The following AKAP11 variants were observed in gnomAD, a reference collection of about 807,000 sequenced individuals.
AKAP11 encodes A-kinase anchor protein 11.
Under a neutral mutation model 146.1 loss-of-function variants are expected in AKAP11, and 36 were observed. The ratio of observed to expected loss-of-function variants is 0.25; its 90% CI spans 0.19 to 0.33. The LOEUF (loss-of-function observed/expected upper bound fraction) is 0.33, where lower values mean the gene tolerates loss of function less well. AKAP11 is among the 10% of genes least tolerant of loss of function. AKAP11 has a pLI of 1.00. For missense variants in AKAP11, 2,201 were observed against 2,197.0 expected (o/e 1.00, Z -0.04); for synonymous variants, 780 against 786.5 (o/e 0.99, Z 0.14).
At position 42,301,031 on chromosome 13, in the gene AKAP11, A is replaced by G. The variant is rs959347525; in HGVS notation, c.2285A>G (p.Lys762Arg). The G allele has an allele frequency of 1.2e-6, 2 of 1,614,040 alleles. No homozygotes were observed. Among genetic ancestry groups the G allele is most frequent in the Non-Finnish European group, 1.7e-6 (2 of 1,179,974 alleles). Reference protein sequence around the residue: ...MVTKPVQEYKKEYTVQQALFC... With the variant: ...MVTKPVQEYKREYTVQQALFC... ...ACAAAACCAGTGCAGGAATATAAAA[A>G]GGAATACACAGTGCAGCAGGCCTTG... The change falls in exon 8 of 13, where the codon AAG becomes AGG. Residue 762 changes from lysine to arginine, a missense_variant. Coordinates refer to ENST00000025301, the MANE Select transcript of AKAP11 (RefSeq NM_016248.4).
chr13:42,322,800 C>T lies in AKAP11; in HGVS notation c.*3572C>T, dbSNP rs1169222039. The T allele has an allele frequency of 6.6e-6, 1 of 152,476 alleles. No individual in the cohort carries two copies. 9.4% of individuals were successfully genotyped at this position (152,476 alleles called of 1,614,324 possible). ...TGGTTTTTTTTTAACCATCTGTGTA[C>T]ATTCCTTTCATAGGGTAGAGTTCTA... On this transcript the variant is annotated 3_prime_UTR_variant, in exon 13 of 13. Coordinates refer to ENST00000025301, the MANE Select transcript of AKAP11 (RefSeq NM_016248.4).
chr13:42,272,944 T>G (rs1313583818), intron 1 of AKAP11, among the ~76,000 whole-genome samples: 2 of 152,214 alleles, frequency 1.3e-5, no homozygotes, highest in African/African-American at 4.8e-5. Flanking sequence ...AAAGCTAACA[T>G]TTTTTCTCTT....
At chr13:42,310,286 A>G (rs1407972642) in intron 9 of AKAP11, among the ~76,000 whole-genome samples, 1 of 152,168 alleles carries the variant, frequency 6.6e-6, no homozygotes, top group Non-Finnish European at 1.5e-5. Flanking sequence ...AGGTTCTGGC[A>G]CAGAGAAAAA....
chr13:42,284,174 TA>T (rs1959120325), intron 1 of AKAP11, among the ~76,000 whole-genome samples: 1 of 152,240 alleles, frequency 6.6e-6, no homozygotes. Flanking sequence ...GATGTTTACA[TA>T]AACCTCTTAG....
rs762871012 is a variant in AKAP11, at chr13:42,300,066, A to G, written c.1320A>G (p.Ser440=). Reference sequence around the variant, plus strand: ...ATTCTCCTCGCCCAGTGAAGGCATCAAGGGAAGATAGTGGTTTATTTAGTC... The same window carrying G: ...ATTCTCCTCGCCCAGTGAAGGCATCGAGGGAAGATAGTGGTTTATTTAGTC... ...APDSPRPVKA[S]REDSGLFSPI... Residue 440 remains serine, a synonymous_variant, in exon 8 of 13, where the codon TCA becomes TCG. Transcript: ENST00000025301. 6.2e-7 allele frequency: 1 copy of G among 1,613,808 alleles called. No homozygotes were observed. Among genetic ancestry groups the G allele is most frequent in the African/African-American group, 1.3e-5 (1 of 74,930 alleles).
rs1263363808 is a variant in AKAP11, at chr13:42,317,711, G to A, written c.5565+23G>A. The A allele has an allele frequency of 3.7e-6, 6 of 1,606,580 alleles. No individual in the cohort carries two copies. The South Asian group carries it at 4.5e-5, about 12-fold the overall frequency. On this transcript the variant is annotated intron_variant, in intron 12 of 12. Transcript: ENST00000025301. ...CTAGTAAGTACCTACCTTACAGAGT[G>A]TGAGGATACATTTAACAGTATATGA...
intron 12 of AKAP11, among the ~76,000 whole-genome samples, chr13:42,318,383 CAATA>C (rs1328830836): frequency 1.3e-5 from 2 of 152,052 alleles, no homozygotes; most frequent in Non-Finnish European, 2.9e-5. Context: ...AGTTTTATCT[CAATA>C]AAGCTGTTTT....
rs1961128264 is a variant in AKAP11, at chr13:42,322,477, A to G, written c.*3249A>G. On this transcript the variant is annotated 3_prime_UTR_variant, in exon 13 of 13. Coordinates refer to ENST00000025301, the MANE Select transcript of AKAP11 (RefSeq NM_016248.4). Reference sequence around the variant, plus strand: ...CCACAATTAATATATTCAATTTCCCATCAGTATATCACTTTAAATTTTATG... The same window carrying G: ...CCACAATTAATATATTCAATTTCCCGTCAGTATATCACTTTAAATTTTATG... The G allele has an allele frequency of 6.6e-6, 1 of 152,282 alleles. No individual in the cohort carries two copies. Among genetic ancestry groups the G allele is most frequent in the African/African-American group, 2.4e-5 (1 of 41,458 alleles). 9.4% of individuals were successfully genotyped at this position (152,282 alleles called of 1,614,324 possible).
rs1353347222 is a variant in AKAP11, at chr13:42,303,722, T to C, written c.4976T>C (p.Ile1659Thr). 3.7e-6 allele frequency: 6 copies of C among 1,614,100 alleles called. No individual in the cohort carries two copies. The highest frequency in any genetic ancestry group is 4.5e-5 in the East Asian group (2 of 44,890). ...VLAEKIVAEAIEKAERELSST... is the reference protein window; with the variant it reads ...VLAEKIVAEATEKAERELSST... ...GCTGAGAAGATAGTTGCTGAAGCCA[T>C]TGAAAAAGCTGAGCGAGAGCTGAGC... The change falls in exon 8 of 13, where the codon ATT becomes ACT. Residue 1659 changes from isoleucine to threonine, a missense_variant. Ile to Thr is a moderately conservative substitution (Grantham distance 89). Around this residue, in one of 3 missense-constraint regions of AKAP11, gnomAD observed 1,867 missense variants for 1,833.5 expected, o/e 1.02. Coordinates refer to ENST00000025301, the MANE Select transcript of AKAP11 (RefSeq NM_016248.4).
At chr13:42,307,430 A>G (rs1274160544) in intron 8 of AKAP11, among the ~76,000 whole-genome samples, 1 of 152,038 alleles carries the variant, frequency 6.6e-6, no homozygotes, top group East Asian at 1.9e-4. Flanking sequence ...CAAGGTAGGG[A>G]GTTAGGGAGT....
chr13:42,308,318 G>A, intron 8 of AKAP11, 136 bp from the exon 9 acceptor site: 1 of 675,866 alleles, frequency 1.5e-6, no homozygotes, highest in Non-Finnish European at 2.4e-6. Context: ...TCAAATAAAG[G>A]ATTACATGAG....
intron 9 of AKAP11, 117 bp from the exon 10 acceptor site, chr13:42,312,930 A>G: frequency 1.3e-6 from 1 of 780,398 alleles, no homozygotes; most frequent in Non-Finnish European, 2.1e-6. Flanking sequence ...GTTCCCCTTC[A>G]CTGTGGCAGC....
At position 42,299,598 on chromosome 13, in the gene AKAP11, A is replaced by G. The variant is rs777780476; in HGVS notation, c.852A>G (p.Ser284=). The part of the protein sequence containing the change: ...EPWTQRSFYR[S]SNASDKDSDL... ...GGACCCAAAGGAGTTTCTATAGGTC[A>G]TCTAATGCTTCAGATAAAGATAGTG... is the stretch of plus-strand genomic sequence containing the variant. Residue 284 remains serine, a synonymous_variant, in exon 8 of 13, where the codon TCA becomes TCG. Transcript: ENST00000025301. 114 of 1,613,916 alleles carry G rather than the reference A, an allele frequency of 7.1e-5. No homozygotes were observed. In the East Asian group the frequency reaches 1.1e-3, roughly 15 times the overall value.
intron 8 of AKAP11, among the ~76,000 whole-genome samples, chr13:42,304,315 A>G (rs1960139282): frequency 6.6e-6 from 1 of 152,130 alleles, no homozygotes; most frequent in Non-Finnish European, 1.5e-5. Flanking sequence ...ACACCATCTC[A>G]CTCAGGATGT....
intron 11 of AKAP11, 113 bp downstream of exon 11, chr13:42,314,053 A>C: frequency 2.0e-6 from 2 of 1,024,248 alleles, no homozygotes. Flanking sequence ...AAAACATTAT[A>C]AATCAGGGTA....
Position 42,301,599 on chromosome 13 carries a change from A to G in AKAP11, c.2853A>G (p.Ile951Met). 6.2e-7 allele frequency: 1 copy of G among 1,614,138 alleles called. No homozygotes were observed. Among genetic ancestry groups the G allele is most frequent in the African/African-American group, 1.3e-5 (1 of 75,062 alleles). The change falls in exon 8 of 13, where the codon ATA becomes ATG. Residue 951 changes from isoleucine (I) to methionine (M), a missense_variant. Physicochemically the swap from Ile to Met is conservative, Grantham distance 10. Coordinates refer to ENST00000025301, the MANE Select transcript of AKAP11 (RefSeq NM_016248.4). ...CTAAATCTATTATTAAACATTCCAT[A>G]GATAAGAGCAAATCAGTGATCCCAA... Reference protein sequence around the residue: ...RLSKSIIKHSIDKSKSVIPNI... With the variant: ...RLSKSIIKHSMDKSKSVIPNI...
Position 42,300,038 on chromosome 13 carries a change from C to T in AKAP11, c.1292C>T (p.Pro431Leu), listed in dbSNP as rs769526714. The change falls in exon 8 of 13, where the codon CCG becomes CTG. Residue 431 changes from proline to leucine, a missense_variant. Physicochemically the swap from Pro to Leu is moderately conservative, Grantham distance 98. Coordinates refer to ENST00000025301, the MANE Select transcript of AKAP11 (RefSeq NM_016248.4). The stretch of plus-strand genomic sequence containing the variant: ...CCATATGGTAACCTGTGTGATGCTC[C>T]GGATTCTCCTCGCCCAGTGAAGGCA... The part of the protein sequence containing the change: ...ESPYGNLCDA[P>L]DSPRPVKASR... 9.3e-6 allele frequency: 15 copies of T among 1,613,768 alleles called. No homozygotes were observed. The East Asian group carries it at 2.0e-4, about 22-fold the overall frequency.
intron 12 of AKAP11, among the ~76,000 whole-genome samples, chr13:42,318,814 G>A (rs1365267853): frequency 6.6e-6 from 1 of 152,178 alleles, no homozygotes; most frequent in Admixed American, 6.5e-5. Context: ...TGTCCATGCA[G>A]ACTATTTGCT....
chr13:42,312,951 C>G lies in AKAP11; in HGVS notation c.5274-96C>G, dbSNP rs902925133. The G allele has an allele frequency of 6.2e-6, 6 of 964,598 alleles. No homozygotes were observed. In the South Asian group the frequency reaches 8.8e-5, roughly 14 times the overall value. The allele number at this position is 964,598 out of a possible 1,614,324, so 59.8% of individuals were successfully genotyped here. ...CTTCACTGTGGCAGCTTCAGAACAT[C>G]TGCAGTTATCAAGGACAGAAGCTGT... On this transcript the variant is annotated intron_variant, in intron 9 of 12. Transcript: ENST00000025301.
Sources: allele counts gnomAD v4.1 joint callset (sites outside exome capture counted in the v4.1 genomes callset), GRCh38; gene constraint gnomAD v4.1.1; regional missense constraint gnomAD v4.1.1; transcripts MANE v1.5; gene names NCBI Gene and HGNC (gene_info 2026-07-23, HGNC 2026-07-21).